DYM: variants seen among roughly 807,000 people sequenced by gnomAD.
DYM encodes dymeclin.
Under a neutral mutation model 93.1 loss-of-function variants are expected in DYM, and 78 were observed. That is an observed-to-expected ratio of 0.84 (90% CI 0.70 to 1.01). The LOEUF is 1.01. Ranked by LOEUF, DYM falls within the 50% of genes least tolerant of loss-of-function variation. The pLI is 0.00. For missense variants in DYM, 789 were observed against 845.0 expected (o/e 0.93, Z 0.82); for synonymous variants, 321 against 319.7 (o/e 1.00, Z -0.04).
rs979040491 is a variant in DYM at position 49,042,105 on chromosome 18, T to C, written c.*1950A>G. On this transcript the variant is annotated 3_prime_UTR_variant, in exon 18 of 18. Coordinates refer to ENST00000675505, the MANE Select transcript of DYM (RefSeq NM_001353214.3). Reference sequence around the variant, plus strand: ...CTGAAATGATAATCATCACTCCCCCTGCTGGCTGAGAGCGCTTCTCCTCCT... The same window carrying C: ...CTGAAATGATAATCATCACTCCCCCCGCTGGCTGAGAGCGCTTCTCCTCCT... The C allele has an allele frequency of 2.0e-5, 3 of 152,654 alleles. No homozygotes were observed. Among genetic ancestry groups the C allele is most frequent in the African/African-American group, 7.2e-5 (3 of 41,478 alleles). 9.5% of individuals were successfully genotyped at this position (152,654 alleles called of 1,614,324 possible). A position where few individuals can be genotyped will look rare whatever the true frequency, so the allele number is the denominator to read the frequency against.
intron 1 of DYM, among the ~76,000 whole-genome samples, chr18:49,433,713 C>T (rs2080547992): frequency 6.6e-6 from 1 of 151,818 alleles, no homozygotes; most frequent in South Asian, 2.1e-4. Context: ...ACTAAAAATA[C>T]AAAAATTAGC....
At chr18:49,326,779 T>C (rs2062909900) in intron 8 of DYM, among the ~76,000 whole-genome samples, 1 of 152,176 alleles carries the variant, frequency 6.6e-6, no homozygotes, top group Admixed American at 6.5e-5. Context: ...TAAAGGAGAC[T>C]TTAAAATACA....
At chr18:49,197,029 T>G in intron 14 of DYM, among the ~76,000 whole-genome samples, 1 of 152,100 alleles carries the variant, frequency 6.6e-6, no homozygotes, top group East Asian at 1.9e-4. Context: ...TGATGACTCT[T>G]AGATGGTGGG....
chr18:49,410,229 CA>C (rs989059176), intron 2 of DYM, among the ~76,000 whole-genome samples: 1 of 152,066 alleles, frequency 6.6e-6, no homozygotes. Flanking sequence ...CCATGCCCAG[CA>C]AATTTTTTTT....
At chr18:49,121,677 A>T (rs893089534) in intron 15 of DYM, among the ~76,000 whole-genome samples, 1 of 152,176 alleles carries the variant, frequency 6.6e-6, no homozygotes, top group Admixed American at 6.5e-5. Context: ...AAACCAAAAC[A>T]AAACAAAAAA....
intron 17 of DYM, among the ~76,000 whole-genome samples, chr18:49,082,249 A>G (rs2078115861): frequency 6.6e-6 from 1 of 152,266 alleles, no homozygotes; most frequent in Non-Finnish European, 1.5e-5. Flanking sequence ...ATAGAAATGT[A>G]TGTATATAGC....
chr18:49,410,224 C>G lies in DYM; in HGVS notation c.141-18579G>C, dbSNP rs548867714. Among the ~76,000 whole-genome samples the G allele has an allele frequency of 1.1e-4, 17 of 152,180 alleles. 1 individual carries two copies. The highest frequency in any genetic ancestry group is 4.1e-4 in the African/African-American group (17 of 41,522). ...AAGACTACAGGTGTGTGCCACCATG[C>G]CCAGCAAATTTTTTTTTGTAGCAAT... is the stretch of plus-strand genomic sequence containing the variant. On this transcript the variant is annotated intron_variant, in intron 2 of 17. Transcript: ENST00000675505.
intron 17 of DYM, among the ~76,000 whole-genome samples, chr18:49,069,163 G>C (rs541062354): frequency 6.6e-6 from 1 of 152,182 alleles, no homozygotes; most frequent in Non-Finnish European, 1.5e-5. Context: ...TCTTGACAGA[G>C]ATACTAACGT....
intron 15 of DYM, among the ~76,000 whole-genome samples, chr18:49,160,272 T>C (rs560529542): frequency 5.9e-5 from 9 of 152,302 alleles, no homozygotes; most frequent in East Asian, 5.8e-4. Flanking sequence ...TGGAACTCAG[T>C]TGAAGGTTTC....
At chr18:49,385,377 C>T (rs183985117) in intron 3 of DYM, among the ~76,000 whole-genome samples, 2 of 152,138 alleles carry the variant, frequency 1.3e-5, no homozygotes, top group South Asian at 2.1e-4. Flanking sequence ...GACCAATGGA[C>T]GTCTTATTTA....
Position 49,138,503 on chromosome 18 carries a change from T to C in DYM, c.1729-19577A>G, listed in dbSNP as rs577104706. Among the ~76,000 whole-genome samples the C allele has an allele frequency of 3.4e-4, 52 of 152,334 alleles. 1 individual carries two copies. The highest frequency in any genetic ancestry group is 1.2e-3 in the African/African-American group (49 of 41,580). ...ACCTGCCCAGCAGTCTCTGTTTCAC[T>C]GTAATTTACTGGTTTTGGTAGGTTT... On this transcript the variant is annotated intron_variant, in intron 15 of 17. Transcript: ENST00000675505.
chr18:49,339,330 C>A (rs2063908586), intron 6 of DYM, among the ~76,000 whole-genome samples: 1 of 152,210 alleles, frequency 6.6e-6, no homozygotes, highest in Non-Finnish European at 1.5e-5. Flanking sequence ...CCCAATCATG[C>A]CTGCTTCCTG....
intron 17 of DYM, among the ~76,000 whole-genome samples, chr18:49,060,623 AGG>A: frequency 9.1e-6 from 1 of 110,350 alleles, no homozygotes; most frequent in African/African-American, 3.4e-5. Context: ...GGCTTAGAGA[AGG>A]GAGGGGGGAG....
chr18:49,044,224 A>T lies in DYM; in HGVS notation c.2026-20T>A, dbSNP rs1242613912. 1 of 1,613,860 alleles carries T rather than the reference A, an allele frequency of 6.2e-7. No individual in the cohort carries two copies. Among genetic ancestry groups the T allele is most frequent in the South Asian group, 1.1e-5 (1 of 91,080 alleles). On this transcript the variant is annotated intron_variant, in intron 17 of 17. Transcript: ENST00000675505. ...AAATTTCTGCAATGAAAATAAGATGATTTTATAATCCCACAGTTCCATGCA... is the reference window on the plus strand; with the variant it reads ...AAATTTCTGCAATGAAAATAAGATGTTTTTATAATCCCACAGTTCCATGCA...
chr18:49,172,130 G>C (rs1312237087), intron 14 of DYM, among the ~76,000 whole-genome samples: 1 of 152,040 alleles, frequency 6.6e-6, no homozygotes, highest in East Asian at 1.9e-4. Flanking sequence ...TTATACCTTA[G>C]GTACTCTTTT....
chr18:49,272,127 G>C, intron 11 of DYM, 51 bp downstream of exon 11: 1 of 1,554,976 alleles, frequency 6.4e-7, no homozygotes, highest in Non-Finnish European at 8.9e-7. Context: ...CTTACGTAGG[G>C]ACATGTCTGT....
At position 49,367,495 on chromosome 18, in the gene DYM, G is replaced by A. The variant is rs189824454; in HGVS notation, c.422-4262C>T. 5.2e-3 allele frequency among the ~76,000 whole-genome samples: 793 copies of A among 152,320 alleles called. 26 individuals carry two copies. In the South Asian group the frequency reaches 0.076, roughly 15 times the overall value. On this transcript the variant is annotated intron_variant, in intron 5 of 17. Coordinates refer to ENST00000675505, the MANE Select transcript of DYM (RefSeq NM_001353214.3). ...ACAGCACTGTTGTTTTGTCCTTAGG[G>A]AGAGAAGCAGAGAACAGTACAATAC...
chr18:49,415,191 A>T (rs1382531074), intron 2 of DYM, among the ~76,000 whole-genome samples: 1 of 151,688 alleles, frequency 6.6e-6, no homozygotes, highest in African/African-American at 2.4e-5. Flanking sequence ...AGCATGGCAC[A>T]CACCTGTAGT....
At chr18:49,054,313 C>T (rs1029303208) in intron 17 of DYM, among the ~76,000 whole-genome samples, 3 of 152,152 alleles carry the variant, frequency 2.0e-5, no homozygotes, top group African/African-American at 7.2e-5. Context: ...GCGATCTCGG[C>T]TCACTGCAAC....
Sources: gnomAD v4.1 joint callset for allele counts (sites outside exome capture counted in the v4.1 genomes callset) on GRCh38, gnomAD v4.1.1 for gene constraint, MANE v1.5 for transcripts, NCBI Gene and HGNC (gene_info 2026-07-23, HGNC 2026-07-21) for gene names.